CIITA: variants seen among roughly 807,000 people sequenced by gnomAD.
CIITA encodes MHC class II transactivator.
CIITA carries 72 observed loss-of-function variants against 115.1 expected under a neutral mutation model. The observed-to-expected ratio is 0.63, with a 90% CI of 0.52 to 0.76. The LOEUF (loss-of-function observed/expected upper bound fraction) is 0.76. CIITA is among the 30% of genes least tolerant of loss of function. The probability of loss-of-function intolerance (pLI) is 0.00; values close to 1 mark genes in which losing one functional copy is unlikely to be tolerated. For missense variants in CIITA, 1,617 were observed against 1,463.8 expected, an observed-to-expected ratio of 1.10 and a Z score of -1.71; for synonymous variants, 763 against 635.6, an observed-to-expected ratio of 1.20 and a Z score of -3.02.
intron 1 of CIITA, among the ~76,000 whole-genome samples, chr16:10,884,863 C>A (rs1000126236): frequency 6.6e-6 from 1 of 151,946 alleles, no homozygotes; most frequent in African/African-American, 2.4e-5. Context: ...CCCTCCAAGA[C>A]CCTCTGTAGA....
At position 10,922,214 on chromosome 16, in the gene CIITA, G is replaced by A. The variant is rs142072017; in HGVS notation, c.3197G>A (p.Arg1066His). ...ICDVGAESLA[R>H]VLPDMVSLRV... ...GACGTGGGAGCCGAGAGCTTGGCTC[G>A]TGTGCTTCCGGACATGGTGTCCCTC... is the stretch of plus-strand genomic sequence containing the variant. The change falls in exon 17 of 20, where the codon CGT (arginine) becomes CAT (histidine). Residue 1066 changes from arginine to histidine, a missense_variant. Physicochemically the swap from Arg to His is conservative, Grantham distance 29. Coordinates refer to ENST00000324288, the MANE Select transcript of CIITA (RefSeq NM_000246.4). The A allele has an allele frequency of 1.2e-4, 196 of 1,614,130 alleles. No homozygotes were observed. The highest frequency in any genetic ancestry group is 1.6e-4 in the Non-Finnish European group (183 of 1,180,054).
chr16:10,912,141 G>T (rs1253431575), intron 13 of CIITA, among the ~76,000 whole-genome samples: 1 of 152,038 alleles, frequency 6.6e-6, no homozygotes, highest in African/African-American at 2.4e-5. Context: ...TGGAGATGGG[G>T]TCTTGCTCTG....
chr16:10,875,623 A>C (rs1376609073), upstream of CIITA, among the ~76,000 whole-genome samples: 2 of 152,060 alleles, frequency 1.3e-5, no homozygotes, highest in East Asian at 3.9e-4. Flanking sequence ...CTTTACTATT[A>C]TTTATGACAG....
intron 13 of CIITA, among the ~76,000 whole-genome samples, chr16:10,911,469 CTCTT>C (rs1204864805): frequency 7.5e-5 from 11 of 147,120 alleles, no homozygotes; most frequent in South Asian, 4.4e-4. Context: ...TCTCTCCTTT[CTCTT>C]TCTTTCTTTC....
Position 10,907,808 on chromosome 16 carries a change from C to G in CIITA, c.2316C>G (p.Ala772=). Residue 772 remains alanine, a synonymous_variant, in exon 11 of 20, where the codon GCC becomes GCG. Transcript: ENST00000324288. This position sits in a 1 kb window ranked among gnomAD's most constrained non-coding sequence, Gnocchi z 5.0. Reference sequence around the variant, plus strand: ...AGCCTCCCGCCCGCTGCCTGGGAGCCCTACTCGGGCCATCGGCGGCTGCCT... The same window carrying G: ...AGCCTCCCGCCCGCTGCCTGGGAGCGCTACTCGGGCCATCGGCGGCTGCCT... ...IFQPPARCLG[A]LLGPSAAASV... is the part of the protein sequence containing the mutation. The G allele has an allele frequency of 6.2e-7, 1 of 1,614,114 alleles. No individual in the cohort carries two copies. The highest frequency in any genetic ancestry group is 8.5e-7 in the Non-Finnish European group (1 of 1,179,982).
At chr16:10,876,601 T>A (rs4781010), upstream of CIITA, among the ~76,000 whole-genome samples, 7,775 of 152,142 alleles carry the variant, frequency 0.051, 1,099 homozygotes, top group East Asian at 0.3. Flanking sequence ...CCTATGGGAG[T>A]CAGTATTATT....
chr16:10,908,193 T>C, intron 11 of CIITA, 44 bp downstream of exon 11: 1 of 1,549,036 alleles, frequency 6.5e-7, no homozygotes, highest in Non-Finnish European at 8.7e-7. Context: ...GTGTTGGGCA[T>C]TAACTGCGGT....
Position 10,934,553 on chromosome 16 carries a change from A to G in CIITA, c.*10698A>G, listed in dbSNP as rs1443665446. 1.3e-5 allele frequency: 2 copies of G among 152,264 alleles called. No individual in the cohort carries two copies. Among genetic ancestry groups the G allele is most frequent in the East Asian group, 1.9e-4 (1 of 5,194 alleles). The allele number at this position is 152,264 out of a possible 1,614,324, so 9.4% of individuals were successfully genotyped here. ...ACCTCACTGGGGGAAACATCAGGAC[A>G]GCGTGGCCAGGAGCCCAATGCTGCC... is the stretch of plus-strand genomic sequence containing the variant. On this transcript the variant is annotated 3_prime_UTR_variant, in exon 20 of 20. Transcript: ENST00000324288. The surrounding 1 kb of genome is among the most constrained non-coding windows in gnomAD (Gnocchi z 4.2).
At position 10,935,205 on chromosome 16, in the gene CIITA, G is replaced by C. The variant is rs919677329; in HGVS notation, c.*11350G>C. The C allele has an allele frequency of 6.6e-6, 1 of 152,228 alleles. No homozygotes were observed. The highest frequency in any genetic ancestry group is 2.4e-5 in the African/African-American group (1 of 41,442). The allele number at this position is 152,228 out of a possible 1,614,324, so 9.4% of individuals were successfully genotyped here. On this transcript the variant is annotated 3_prime_UTR_variant, in exon 20 of 20. Coordinates refer to ENST00000324288, the MANE Select transcript of CIITA (RefSeq NM_000246.4). ...ATATGTCCAACTGCAAAGCATGTAA[G>C]TAACAATTTTAGAGGGTATACGGAG...
chr16:10,885,921 A>G (rs777717998), intron 1 of CIITA, among the ~76,000 whole-genome samples: 31 of 152,136 alleles, frequency 2.0e-4, no homozygotes, highest in South Asian at 4.1e-4. Context: ...AGCCCAGGTC[A>G]TGGTACACTA....
rs766945455 is a variant in CIITA, at chr16:10,907,187, G to A, written c.1695G>A (p.Glu565=). The change falls in exon 11 of 20, where the codon GAG becomes GAA. Residue 565 remains glutamate (E), a synonymous_variant. Transcript: ENST00000324288. This position sits in a 1 kb window ranked among gnomAD's most constrained non-coding sequence, Gnocchi z 5.0. The part of the protein sequence containing the change: ...QSLSKADALF[E]LSGFSMEQAQ... ...TGAGCAAGGCCGACGCCCTATTTGA[G>A]CTGTCCGGCTTCTCCATGGAGCAGG... The A allele has an allele frequency of 1.5e-5, 24 of 1,613,442 alleles. No homozygotes were observed. Among genetic ancestry groups the A allele is most frequent in the East Asian group, 2.2e-5 (1 of 44,874 alleles).
Position 10,901,038 on chromosome 16 carries a change from G to A in CIITA, c.437-476G>A, listed in dbSNP as rs554543180. On this transcript the variant is annotated intron_variant, in intron 5 of 19. Transcript: ENST00000324288. This position sits in a 1 kb window ranked among gnomAD's most constrained non-coding sequence, Gnocchi z 6.8. ...TCGTTGGGTAGATGAACCATAATTT[G>A]TTTAAGCAGTCCCTTGCTAAGGGAC... Among the ~76,000 whole-genome samples, 8 of 152,240 alleles carry A rather than the reference G, an allele frequency of 5.3e-5. No homozygotes were observed. The highest frequency in any genetic ancestry group is 4.2e-4 in the South Asian group (2 of 4,806).
Position 10,942,930 on chromosome 16 carries a change from C to T in CIITA, n.2056C>T, listed in dbSNP as rs551410463. On this transcript the variant is annotated non_coding_transcript_exon_variant, in exon 2 of 2. Transcript: ENST00000573379. The surrounding 1 kb of genome is among the most constrained non-coding windows in gnomAD (Gnocchi z 5.0). ...CCTTCGCTTCTCCAAACTCTGGTTG[C>T]TGGAAGGTCCGCCCACTACGGAACC... The T allele has an allele frequency of 6.6e-6, 1 of 152,358 alleles. No homozygotes were observed. Among genetic ancestry groups the T allele is most frequent in the African/African-American group, 2.4e-5 (1 of 41,586 alleles). The allele number at this position is 152,358 out of a possible 1,614,324, so 9.4% of individuals were successfully genotyped here. A position where few individuals can be genotyped will look rare whatever the true frequency, so the allele number is the denominator to read the frequency against.
Position 10,910,264 on chromosome 16 carries a change from G to C in CIITA, c.2888+5G>C. 1 of 1,613,534 alleles carries C rather than the reference G, an allele frequency of 6.2e-7. No homozygotes were observed. Among genetic ancestry groups the C allele is most frequent in the Non-Finnish European group, 8.5e-7 (1 of 1,179,612 alleles). On this transcript the variant is annotated splice_donor_5th_base_variant and intron_variant, in intron 13 of 19. Coordinates refer to ENST00000324288, the MANE Select transcript of CIITA (RefSeq NM_000246.4). Reference sequence around the variant, plus strand: ...CCTAAAGAAACTGGAGTTTGCGTAAGCAAAGGGGTGGATTGTCTTGTGGGT... The same window carrying C: ...CCTAAAGAAACTGGAGTTTGCGTAACCAAAGGGGTGGATTGTCTTGTGGGT...
intron 4 of CIITA, 37 bp from the exon 5 acceptor site, chr16:10,898,888 G>A: frequency 1.2e-6 from 2 of 1,611,826 alleles, no homozygotes; most frequent in Non-Finnish European, 1.7e-6. Context: ...GGCTTTCATT[G>A]ATTGTGTGAG....
At chr16:10,940,177 A>G (rs1322581815), downstream of CIITA, 2 of 152,238 alleles carry the variant, frequency 1.3e-5, no homozygotes, top group Non-Finnish European at 2.9e-5. This position sits in a 1 kb window ranked among gnomAD's most constrained non-coding sequence, Gnocchi z 4.2. Flanking sequence ...AACAGACTCA[A>G]TGTTTGTGTC....
chr16:10,908,316 G>A, intron 11 of CIITA, 167 bp downstream of exon 11: 1 of 850,282 alleles, frequency 1.2e-6, no homozygotes, highest in East Asian at 2.6e-5. Flanking sequence ...CTCAGAGAGG[G>A]GCAGCCACTT....
At chr16:10,874,072 C>A (rs1442527028), upstream of CIITA, among the ~76,000 whole-genome samples, 1 of 151,062 alleles carries the variant, frequency 6.6e-6, no homozygotes, top group African/African-American at 2.4e-5. Context: ...ACCTCCACCT[C>A]CCCCAGGTTC....
At position 10,907,546 on chromosome 16, in the gene CIITA, T is replaced by G. The variant is rs1272110394; in HGVS notation, c.2054T>G (p.Val685Gly). The change falls in exon 11 of 20, where the codon GTG becomes GGG. Residue 685 changes from valine to glycine, a missense_variant. Transcript: ENST00000324288. This position sits in a 1 kb window ranked among gnomAD's most constrained non-coding sequence, Gnocchi z 5.0. ...GAGGACCAGTTCCCATCCGCAGACG[T>G]GAGGACCTGGGCGATGGCCAAAGGC... ...LQEDQFPSAD[V>G]RTWAMAKGLV... The G allele has an allele frequency of 2.5e-6, 4 of 1,613,976 alleles. No individual in the cohort carries two copies. The East Asian group carries it at 6.7e-5, about 27-fold the overall frequency.
Sources: gnomAD v4.1 joint callset for allele counts (sites outside exome capture counted in the v4.1 genomes callset) on GRCh38, gnomAD v4.1.1 for gene constraint, Gnocchi (gnomAD v3.1) non-coding constraint, MANE v1.5 for transcripts, NCBI Gene and HGNC (gene_info 2026-07-23, HGNC 2026-07-21) for gene names.